The following WNT7A variants were observed in gnomAD, a reference collection of about 807,000 sequenced individuals.
The protein encoded by WNT7A is Wnt family member 7A.
Under a neutral mutation model 28.2 loss-of-function variants are expected in WNT7A, and 16 were observed. The ratio of observed to expected loss-of-function variants is 0.57; its 90% CI spans 0.38 to 0.86. The LOEUF is 0.86. Ranked by LOEUF, WNT7A falls within the 40% of genes least tolerant of loss-of-function variation. The pLI is 0.00. For synonymous variants in WNT7A, 190 were observed against 195.9 expected, an observed-to-expected ratio of 0.97 and a Z score of 0.25; for missense variants, 411 against 489.7, an observed-to-expected ratio of 0.84 and a Z score of 1.52.
At chr3:13,851,869 A>G (rs1156584944) in intron 3 of WNT7A, among the ~76,000 whole-genome samples, 3 of 152,252 alleles carry the variant, frequency 2.0e-5, no homozygotes, top group Non-Finnish European at 4.4e-5. Flanking sequence ...ATTTCAATCC[A>G]AAGTACAAAG....
intron 2 of WNT7A, among the ~76,000 whole-genome samples, chr3:13,868,075 A>C (rs1472976729): frequency 1.3e-5 from 2 of 152,144 alleles, no homozygotes; most frequent in Non-Finnish European, 2.9e-5. Flanking sequence ...GGAATGGGAA[A>C]CTCAAGATTC....
At chr3:13,819,541 T>C in intron 3 of WNT7A, 118 bp from the exon 4 acceptor site, 2 of 1,377,744 alleles carry the variant, frequency 1.5e-6, no homozygotes, top group Non-Finnish European at 1.9e-6. Flanking sequence ...TGGCTTTAGT[T>C]TTTTCTTTCT....
chr3:13,856,877 A>AGAG (rs1428568751), intron 2 of WNT7A, among the ~76,000 whole-genome samples: 72 of 131,380 alleles, frequency 5.5e-4, no homozygotes, highest in African/African-American at 2.1e-3. Context: ...AAGAGGAAGA[A>AGAG]GAGGAAGAAG....
intron 2 of WNT7A, among the ~76,000 whole-genome samples, chr3:13,871,702 C>A (rs1695027545): frequency 6.6e-6 from 1 of 152,092 alleles, no homozygotes; most frequent in Non-Finnish European, 1.5e-5. Context: ...TGAGGCTGAG[C>A]CACCATCACC....
chr3:13,872,871 T>A (rs1213001733), intron 2 of WNT7A, among the ~76,000 whole-genome samples: 3 of 152,198 alleles, frequency 2.0e-5, no homozygotes, highest in Non-Finnish European at 4.4e-5. Context: ...AACCCAGTCC[T>A]GAGAGGCCCT....
chr3:13,879,746 C>G lies in WNT7A; in HGVS notation c.71G>C (p.Gly24Ala). The change falls in exon 1 of 4, where the codon GGT (glycine) becomes GCT (alanine). Residue 24 changes from glycine to alanine, a missense_variant and splice_region_variant. By Grantham distance (60) the Gly-to-Ala change is moderately conservative. Coordinates refer to ENST00000285018, the MANE Select transcript of WNT7A (RefSeq NM_004625.4). ...CGGAAAGGGCGCAGGCAGCCCTTAC[C>G]CGATCCGGAGGTAGACCATGCCCAG... ...LSLGMVYLRI[G>A]GFSSVVALGA... 2.5e-6 allele frequency: 4 copies of G among 1,612,646 alleles called. No individual in the cohort carries two copies. The highest frequency in any genetic ancestry group is 3.4e-6 in the Non-Finnish European group (4 of 1,179,198).
Position 13,818,351 on chromosome 3 carries a change from C to CGAAAAAAAAAA in WNT7A, c.*592_*593insTTTTTTTTTTC, listed in dbSNP as rs575789769. ...TTTCTGGATAAGTAGCAGCAAACAGCAAAAAAAAAAAAAAAAATGTGTGTG... is the reference window on the plus strand; with the variant it reads ...TTTCTGGATAAGTAGCAGCAAACAGCGAAAAAAAAAAAAAAAAAAAAAAAAAAATGTGTGTG... On this transcript the variant is annotated 3_prime_UTR_variant, in exon 4 of 4. Transcript: ENST00000285018. 1.1e-4 allele frequency: 9 copies of CGAAAAAAAAAA among 79,954 alleles called. No individual in the cohort carries two copies. In the South Asian group the frequency reaches 2.4e-3, roughly 21 times the overall value. The allele number at this position is 79,954 out of a possible 1,614,324, so 5.0% of individuals were successfully genotyped here.
At chr3:13,873,772 G>C (rs1186123694) in intron 2 of WNT7A, among the ~76,000 whole-genome samples, 1 of 152,162 alleles carries the variant, frequency 6.6e-6, no homozygotes, top group Admixed American at 6.5e-5. Context: ...ACCTGGACAG[G>C]GTCAGGGGCA....
chr3:13,822,524 A>G (rs909454215), intron 3 of WNT7A, among the ~76,000 whole-genome samples: 2 of 152,270 alleles, frequency 1.3e-5, no homozygotes, highest in Non-Finnish European at 2.9e-5. Flanking sequence ...AGGCAGATCC[A>G]TAATGACACA....
At position 13,854,327 on chromosome 3, in the gene WNT7A, A is replaced by G. The variant is rs138850954; in HGVS notation, c.570+205T>C. 7.2e-5 allele frequency among the ~76,000 whole-genome samples: 11 copies of G among 152,184 alleles called. No individual in the cohort carries two copies. The East Asian group carries it at 2.1e-3, about 30-fold the overall frequency. On this transcript the variant is annotated intron_variant, in intron 3 of 3. Transcript: ENST00000285018. ...ATTCAATTCGTCTTAAGGCAGACTC[A>G]ATTATCCAACCTCTTCAGTAACTGA...
intron 3 of WNT7A, among the ~76,000 whole-genome samples, chr3:13,825,471 A>G (rs1405867718): frequency 1.3e-5 from 2 of 152,204 alleles, no homozygotes; most frequent in Non-Finnish European, 2.9e-5. Flanking sequence ...GAAAGAAAAA[A>G]CAAAAAGCCC....
intron 3 of WNT7A, among the ~76,000 whole-genome samples, chr3:13,840,335 G>A (rs1188772415): frequency 6.6e-6 from 1 of 152,106 alleles, no homozygotes; most frequent in East Asian, 1.9e-4. Flanking sequence ...TCTATTATTT[G>A]TTTGTTGTCT....
chr3:13,857,121 C>T (rs9819887), intron 2 of WNT7A, among the ~76,000 whole-genome samples: 64,428 of 151,984 alleles, frequency 0.42, 16,188 homozygotes, highest in East Asian at 0.83. Flanking sequence ...AGCAATAAAA[C>T]CCAACAATGC....
intron 3 of WNT7A, among the ~76,000 whole-genome samples, chr3:13,847,810 CG>C (rs1694564995): frequency 8.0e-6 from 1 of 124,726 alleles, no homozygotes; most frequent in African/African-American, 3.1e-5. Context: ...TGGGGTGGGG[CG>C]GGGGGACATG....
At chr3:13,846,215 T>A (rs1217581725) in intron 3 of WNT7A, among the ~76,000 whole-genome samples, 1 of 152,242 alleles carries the variant, frequency 6.6e-6, no homozygotes. Context: ...GACCACATAG[T>A]GGGGCCTTCT....
intron 3 of WNT7A, among the ~76,000 whole-genome samples, chr3:13,823,142 C>T (rs115239754): frequency 0.016 from 2,485 of 152,274 alleles, 64 homozygotes; most frequent in African/African-American, 0.056. Context: ...GCCCTCTCCC[C>T]GAGGCAGGGG....
chr3:13,838,386 C>T lies in WNT7A; in HGVS notation c.570+16146G>A, dbSNP rs374422212. 2.6e-4 allele frequency among the ~76,000 whole-genome samples: 39 copies of T among 152,304 alleles called. 1 individual carries two copies. The highest frequency in any genetic ancestry group is 6.3e-4 in the African/African-American group (26 of 41,570). ...AAAGGTCCTCTGAAACCACGGTGTG[C>T]GGAAGGAACTGAAGACTCCCACAGC... On this transcript the variant is annotated intron_variant, in intron 3 of 3. Transcript: ENST00000285018.
At chr3:13,862,278 C>T (rs994047786) in intron 2 of WNT7A, among the ~76,000 whole-genome samples, 3 of 152,234 alleles carry the variant, frequency 2.0e-5, no homozygotes, top group Non-Finnish European at 4.4e-5. Flanking sequence ...AGCTCCATAA[C>T]GATCCCAGCG....
Position 13,817,911 on chromosome 3 carries a change from A to G in WNT7A, c.*1033T>C, listed in dbSNP as rs939856857. 1 of 152,176 alleles carries G rather than the reference A, an allele frequency of 6.6e-6. No individual in the cohort carries two copies. The highest frequency in any genetic ancestry group is 1.9e-4 in the East Asian group (1 of 5,174). The allele number at this position is 152,176 out of a possible 1,614,324, so 9.4% of individuals were successfully genotyped here. A position where few individuals can be genotyped will look rare whatever the true frequency, so the allele number is the denominator to read the frequency against. ...GGGGATTTGATTTCTTTCCCGGCTA[A>G]CATGGATGAGATGATGCCTCAACCC... On this transcript the variant is annotated 3_prime_UTR_variant, in exon 4 of 4. Transcript: ENST00000285018.
Sources: allele counts gnomAD v4.1 joint callset (sites outside exome capture counted in the v4.1 genomes callset), GRCh38; gene constraint gnomAD v4.1.1; transcripts MANE v1.5; gene names NCBI Gene and HGNC (gene_info 2026-07-23, HGNC 2026-07-21).